FSTL5: variants seen among roughly 807,000 people sequenced by gnomAD.
The protein encoded by FSTL5 is follistatin like 5.
In FSTL5, 62 loss-of-function variants were observed where a neutral mutation model predicts 89.1. That is an observed-to-expected ratio of 0.70 (90% confidence interval 0.57 to 0.86). FSTL5 has a LOEUF of 0.86. Among genes scored for constraint, FSTL5 ranks in the 40% least tolerant of loss-of-function variants. The probability of loss-of-function intolerance (pLI) is 0.00; values close to 1 mark genes in which losing one functional copy is unlikely to be tolerated. For synonymous variants in FSTL5, 383 were observed against 346.2 expected, an observed-to-expected ratio of 1.11 and a Z score of -1.18; for missense variants, 1,057 against 1,001.6, an observed-to-expected ratio of 1.06 and a Z score of -0.75.
chr4:161,572,392 C>T (rs77049235), intron 8 of FSTL5, among the ~76,000 whole-genome samples: 10,580 of 150,312 alleles, frequency 0.07, 676 homozygotes, highest in East Asian at 0.32. Context: ...CTGATTATGA[C>T]CCCTGACAAG....
chr4:162,127,495 G>A (rs969729644), intron 1 of FSTL5, among the ~76,000 whole-genome samples: 1 of 152,080 alleles, frequency 6.6e-6, no homozygotes, highest in Non-Finnish European at 1.5e-5. Context: ...AGTCATTCAA[G>A]CATTTTTTTA....
At chr4:161,460,515 T>TAA (rs981562860) in intron 13 of FSTL5, among the ~76,000 whole-genome samples, 4 of 152,002 alleles carry the variant, frequency 2.6e-5, no homozygotes, top group African/African-American at 9.7e-5. Flanking sequence ...GAGAATTTTC[T>TAA]AAGTACTTAT....
At chr4:161,748,667 G>A (rs899099744) in intron 6 of FSTL5, among the ~76,000 whole-genome samples, 8 of 137,178 alleles carry the variant, frequency 5.8e-5, no homozygotes, top group South Asian at 2.3e-4. Context: ...AGACTTACAC[G>A]ATTGGCGAAT....
chr4:161,771,553 A>G (rs566901419), intron 5 of FSTL5, among the ~76,000 whole-genome samples: 2 of 152,236 alleles, frequency 1.3e-5, no homozygotes, highest in Admixed American at 1.3e-4. Context: ...AACTTATAAA[A>G]AATATCCTAG....
intron 1 of FSTL5, among the ~76,000 whole-genome samples, chr4:162,154,185 GTTATC>G (rs1733380000): frequency 6.7e-6 from 1 of 148,720 alleles, no homozygotes; most frequent in African/African-American, 2.5e-5. Context: ...CTTTTAGTTA[GTTATC>G]TTTATTTAGC....
At chr4:161,510,291 T>C (rs1180433828) in intron 11 of FSTL5, 107 bp downstream of exon 11, 34 of 730,560 alleles carry the variant, frequency 4.7e-5, no homozygotes, top group East Asian at 8.9e-5. Context: ...AATTAAAATA[T>C]TGAATCAAAA....
At chr4:161,690,813 C>T (rs1579024058) in intron 6 of FSTL5, among the ~76,000 whole-genome samples, 1 of 152,220 alleles carries the variant, frequency 6.6e-6, no homozygotes, top group Middle Eastern at 3.4e-3. Flanking sequence ...TCACCCTCCA[C>T]CCTATGAAAA....
At chr4:161,699,277 A>G (rs1738290793) in intron 6 of FSTL5, among the ~76,000 whole-genome samples, 1 of 152,226 alleles carries the variant, frequency 6.6e-6, no homozygotes, top group Admixed American at 6.5e-5. Flanking sequence ...TTGTGAACCT[A>G]TGATGTATAC....
chr4:161,416,513 AG>A lies in FSTL5; in HGVS notation c.1842-30065del, dbSNP rs560314127. Among the ~76,000 whole-genome samples, 3 of 152,174 alleles carry A rather than the reference AG, an allele frequency of 2.0e-5. No individual in the cohort carries two copies. The South Asian group carries it at 6.2e-4, about 32-fold the overall frequency. ...GATACATACAATGTGTTAATCCACCAGCACATTTTTCTGAATTAATTTCTGT... is the reference window on the plus strand; with the variant it reads ...GATACATACAATGTGTTAATCCACCACACATTTTTCTGAATTAATTTCTGT... On this transcript the variant is annotated intron_variant, in intron 15 of 15. Coordinates refer to ENST00000306100, the MANE Select transcript of FSTL5 (RefSeq NM_020116.5).
At chr4:162,104,678 T>G (rs1219727232) in intron 2 of FSTL5, among the ~76,000 whole-genome samples, 1 of 152,200 alleles carries the variant, frequency 6.6e-6, no homozygotes. Flanking sequence ...CCGCTACTAC[T>G]GTGAAGAATG....
chr4:161,934,341 G>A (rs769907170), intron 3 of FSTL5, among the ~76,000 whole-genome samples: 4 of 151,930 alleles, frequency 2.6e-5, no homozygotes, highest in African/African-American at 9.7e-5. Flanking sequence ...ATTTGACATC[G>A]CTGTATATAA....
At chr4:161,671,301 C>G (rs1379584544) in intron 6 of FSTL5, among the ~76,000 whole-genome samples, 1 of 152,104 alleles carries the variant, frequency 6.6e-6, no homozygotes, top group Non-Finnish European at 1.5e-5. Flanking sequence ...AAACTATGCC[C>G]CTGGACCAAA....
At chr4:161,813,059 C>T (rs1260832363) in intron 4 of FSTL5, among the ~76,000 whole-genome samples, 3 of 149,314 alleles carry the variant, frequency 2.0e-5, no homozygotes, top group East Asian at 3.9e-4. Context: ...CAGAGTCTCG[C>T]GCTGTTGCCC....
chr4:161,427,048 A>G (rs1330187660), intron 15 of FSTL5, among the ~76,000 whole-genome samples: 1 of 152,228 alleles, frequency 6.6e-6, no homozygotes, highest in African/African-American at 2.4e-5. Context: ...TAAGTATACA[A>G]AATAGAATTT....
chr4:161,575,376 C>A (rs1232224592), intron 8 of FSTL5, among the ~76,000 whole-genome samples: 3 of 152,088 alleles, frequency 2.0e-5, no homozygotes, highest in African/African-American at 7.2e-5. Context: ...TTTGGCTTTT[C>A]TTGCAATTAC....
At chr4:161,629,700 T>TC (rs906192892) in intron 7 of FSTL5, among the ~76,000 whole-genome samples, 1 of 152,088 alleles carries the variant, frequency 6.6e-6, no homozygotes, top group African/African-American at 2.4e-5. Context: ...GGGATTTTTT[T>TC]CCCCTAAGCC....
chr4:161,542,114 T>C (rs1037214388), intron 9 of FSTL5, among the ~76,000 whole-genome samples: 2 of 151,982 alleles, frequency 1.3e-5, no homozygotes, highest in Non-Finnish European at 2.9e-5. Flanking sequence ...CAAAATATGC[T>C]AAAAAATCCA....
chr4:161,399,234 T>C (rs775841884), intron 15 of FSTL5, among the ~76,000 whole-genome samples: 1 of 152,020 alleles, frequency 6.6e-6, no homozygotes, highest in South Asian at 2.1e-4. Flanking sequence ...TCATGAATGG[T>C]CAAAAACCTG....
At position 161,464,704 on chromosome 4, in the gene FSTL5, T is replaced by C. The variant is rs571426995; in HGVS notation, c.1609-5385A>G. On this transcript the variant is annotated intron_variant, in intron 13 of 15. Coordinates refer to ENST00000306100, the MANE Select transcript of FSTL5 (RefSeq NM_020116.5). ...CTCAATTTATAATTAATAAACTTCTTAGTCTACTTAATTGTAAAACGTAAG... is the reference window on the plus strand; with the variant it reads ...CTCAATTTATAATTAATAAACTTCTCAGTCTACTTAATTGTAAAACGTAAG... Among the ~76,000 whole-genome samples, 696 of 152,292 alleles carry C rather than the reference T, an allele frequency of 4.6e-3. 2 individuals are homozygous for C. The highest frequency in any genetic ancestry group is 8.9e-3 in the South Asian group (43 of 4,832).
Sources: gnomAD v4.1 joint callset for allele counts (sites outside exome capture counted in the v4.1 genomes callset) on GRCh38, gnomAD v4.1.1 for gene constraint, MANE v1.5 for transcripts, NCBI Gene and HGNC (gene_info 2026-07-23, HGNC 2026-07-21) for gene names.